The following ATG4C variants were observed in gnomAD, a reference collection of about 807,000 sequenced individuals.
ATG4C encodes the protein cysteine protease ATG4C.
In ATG4C, 56 loss-of-function variants were observed where a neutral mutation model predicts 57.6. That is an observed-to-expected ratio of 0.97 (90% CI 0.78 to 1.21). The LOEUF is 1.21. Among genes scored for constraint, ATG4C ranks in the 50% most tolerant of loss-of-function variants. The probability of loss-of-function intolerance (pLI) is 0.00; values close to 1 mark genes in which losing one functional copy is unlikely to be tolerated. For synonymous variants in ATG4C, 157 were observed against 174.1 expected, an observed-to-expected ratio of 0.90 and a Z score of 0.78; for missense variants, 595 against 529.8, an observed-to-expected ratio of 1.12 and a Z score of -1.21.
rs188774789 is a variant in ATG4C, at chr1:62,865,290, A to C, written c.*1131A>C. ...AAACAATATTAATTTTTTTAAGTGG[A>C]GCTTTCATGTTTCAGTGTAGAAACG... On this transcript the variant is annotated 3_prime_UTR_variant, in exon 11 of 11. Transcript: ENST00000317868. The C allele has an allele frequency of 1.3e-5, 2 of 151,962 alleles. No homozygotes were observed. The highest frequency in any genetic ancestry group is 2.4e-5 in the African/African-American group (1 of 41,524). 9.4% of individuals were successfully genotyped at this position (151,962 alleles called of 1,614,324 possible). A position where few individuals can be genotyped will look rare whatever the true frequency, so the allele number is the denominator to read the frequency against.
intron 10 of ATG4C, among the ~76,000 whole-genome samples, chr1:62,860,948 T>C (rs1235835801): frequency 1.3e-5 from 2 of 152,204 alleles, no homozygotes; most frequent in African/African-American, 4.8e-5. Flanking sequence ...TTAACTTCTG[T>C]CCTCCAGCTT....
intron 7 of ATG4C, among the ~76,000 whole-genome samples, chr1:62,830,018 GTC>G (rs1409820215): frequency 2.6e-5 from 4 of 151,974 alleles, no homozygotes; most frequent in Non-Finnish European, 4.4e-5. Context: ...CCATGTTATA[GTC>G]TCTATATATT....
At chr1:62,813,274 A>T (rs1018246446) in intron 3 of ATG4C, among the ~76,000 whole-genome samples, 1 of 152,114 alleles carries the variant, frequency 6.6e-6, no homozygotes, top group African/African-American at 2.4e-5. Context: ...GGAACAGAAC[A>T]GAGGCCTCAG....
chr1:62,806,169 G>C (rs1664873157), intron 3 of ATG4C, among the ~76,000 whole-genome samples: 1 of 152,156 alleles, frequency 6.6e-6, no homozygotes, highest in South Asian at 2.1e-4. Context: ...AGTCTTGAAG[G>C]ATAAGTAGGA....
intron 1 of ATG4C, among the ~76,000 whole-genome samples, chr1:62,796,859 G>C (rs1664486489): frequency 1.3e-5 from 2 of 152,306 alleles, no homozygotes; most frequent in African/African-American, 4.8e-5. Context: ...TGTAATCCCA[G>C]CATTTTGGGA....
intron 1 of ATG4C, among the ~76,000 whole-genome samples, chr1:62,800,988 G>A (rs1452542107): frequency 1.3e-5 from 2 of 152,192 alleles, no homozygotes; most frequent in Non-Finnish European, 2.9e-5. Flanking sequence ...TCATCATACA[G>A]TGAGGGTGAG....
intron 1 of ATG4C, among the ~76,000 whole-genome samples, chr1:62,801,149 A>G (rs1237224077): frequency 6.6e-6 from 1 of 152,216 alleles, no homozygotes; most frequent in Non-Finnish European, 1.5e-5. Context: ...GTAAGTAGGC[A>G]GAGGTTATTT....
intron 6 of ATG4C, among the ~76,000 whole-genome samples, chr1:62,822,131 A>G (rs1276270571): frequency 6.6e-6 from 1 of 152,210 alleles, no homozygotes; most frequent in African/African-American, 2.4e-5. Flanking sequence ...TACTGTTAAC[A>G]ATGATAAAAT....
chr1:62,857,271 C>T (rs1477739282), intron 10 of ATG4C, among the ~76,000 whole-genome samples: 1 of 152,182 alleles, frequency 6.6e-6, no homozygotes, highest in African/African-American at 2.4e-5. Flanking sequence ...GCTCTGCCTC[C>T]TGTCAGATCA....
At chr1:62,796,114 A>G in intron 1 of ATG4C, among the ~76,000 whole-genome samples, 1 of 151,826 alleles carries the variant, frequency 6.6e-6, no homozygotes, top group East Asian at 1.9e-4. Context: ...AATTATGGCT[A>G]AATTATTACT....
chr1:62,833,453 A>T (rs982140259), intron 7 of ATG4C, among the ~76,000 whole-genome samples: 2 of 152,174 alleles, frequency 1.3e-5, no homozygotes, highest in African/African-American at 4.8e-5. Flanking sequence ...CTGATATTTT[A>T]TGATTAGTAA....
chr1:62,794,438 G>A (rs923345102), intron 1 of ATG4C, among the ~76,000 whole-genome samples: 2 of 152,200 alleles, frequency 1.3e-5, no homozygotes, highest in Admixed American at 1.3e-4. Flanking sequence ...TGGAGGATGT[G>A]ATCCTGAGGA....
chr1:62,826,274 CA>C (rs1367243880), intron 6 of ATG4C, among the ~76,000 whole-genome samples: 1 of 139,198 alleles, frequency 7.2e-6, no homozygotes, highest in Non-Finnish European at 1.5e-5. Flanking sequence ...CTAGCTCTGT[CA>C]CCCAGGCTGG....
intron 10 of ATG4C, among the ~76,000 whole-genome samples, chr1:62,842,909 T>C (rs2100347336): frequency 6.6e-6 from 1 of 152,338 alleles, no homozygotes; most frequent in East Asian, 1.9e-4. Flanking sequence ...AATTAGTATA[T>C]GCATTTGTAT....
Position 62,805,210 on chromosome 1 carries a change from TCTC to T in ATG4C, c.118_120del (p.Pro40del), listed in dbSNP as rs1047505101. 3 of 1,526,924 alleles carry T rather than the reference TCTC, an allele frequency of 2.0e-6. No homozygotes were observed. The highest frequency in any genetic ancestry group is 1.4e-5 in the African/African-American group (1 of 69,042). The allele number at this position is 1,526,924 out of a possible 1,614,324, so 94.6% of individuals were successfully genotyped here. The stretch of plus-strand genomic sequence containing the variant: ...AACAAAGACGTATTTTAGTAGAAAT[TCTC>T]CTGTATTATTGCTTGGAAAATGTTA... On this transcript the variant is annotated inframe_deletion, in exon 3 of 11. Coordinates refer to ENST00000317868, the MANE Select transcript of ATG4C (RefSeq NM_032852.4).
rs1238685528 is a variant in ATG4C, at chr1:62,854,340, G to A, written c.1210-9652G>A. On this transcript the variant is annotated intron_variant, in intron 10 of 10. Coordinates refer to ENST00000317868, the MANE Select transcript of ATG4C (RefSeq NM_032852.4). ...GTCACCCAGGCTGGAGTGCAGTGGCGCGATCTTGGTTCACTGCAAGCTCCG... is the reference window on the plus strand; with the variant it reads ...GTCACCCAGGCTGGAGTGCAGTGGCACGATCTTGGTTCACTGCAAGCTCCG... 5.4e-5 allele frequency among the ~76,000 whole-genome samples: 8 copies of A among 148,782 alleles called. 1 individual carries two copies. The highest frequency in any genetic ancestry group is 3.9e-4 in the East Asian group (2 of 5,066).
intron 1 of ATG4C, among the ~76,000 whole-genome samples, chr1:62,803,054 A>T (rs1448883581): frequency 6.6e-6 from 1 of 152,220 alleles, no homozygotes; most frequent in Non-Finnish European, 1.5e-5. Flanking sequence ...TTGAGATTAT[A>T]TCACACATCT....
At chr1:62,812,790 A>C (rs2100307894) in intron 3 of ATG4C, among the ~76,000 whole-genome samples, 1 of 152,344 alleles carries the variant, frequency 6.6e-6, no homozygotes, top group South Asian at 2.1e-4. Context: ...ATACAAAATC[A>C]ATGTGCAAAA....
chr1:62,805,150 T>A (rs1295458727), intron 2 of ATG4C, 22 bp from the exon 3 acceptor site: 8 of 1,517,706 alleles, frequency 5.3e-6, no homozygotes, highest in Non-Finnish European at 7.0e-6. Context: ...ACGTTTTCTT[T>A]TCTTTTTTTT....
Sources: gnomAD v4.1 joint callset for allele counts (sites outside exome capture counted in the v4.1 genomes callset) on GRCh38, gnomAD v4.1.1 for gene constraint, MANE v1.5 for transcripts, NCBI Gene and HGNC (gene_info 2026-07-23, HGNC 2026-07-21) for gene names.